The following MYT1L variants were observed in gnomAD, a reference collection of about 807,000 sequenced individuals.
The protein encoded by MYT1L is myelin transcription factor 1-like protein.
A neutral mutation model predicts 126.7 loss-of-function variants in MYT1L; 12 were observed. The observed-to-expected ratio is 0.09, with a 90% CI of 0.06 to 0.15. The LOEUF is 0.15. Among genes scored for constraint, MYT1L ranks in the 10% least tolerant of loss-of-function variants. The pLI is 1.00. For synonymous variants in MYT1L, 541 were observed against 604.2 expected (o/e 0.90, Z 1.53); for missense variants, 979 against 1,585.2 (o/e 0.62, Z 6.49).
At chr2:2,030,806 T>C (rs765681157) in intron 4 of MYT1L, among the ~76,000 whole-genome samples, 4 of 152,244 alleles carry the variant, frequency 2.6e-5, no homozygotes, top group Non-Finnish European at 4.4e-5. Context: ...GTAATCATTT[T>C]AGTTGTGCAG....
intron 3 of MYT1L, among the ~76,000 whole-genome samples, chr2:2,099,474 A>G (rs2077805947): frequency 6.6e-6 from 1 of 152,142 alleles, no homozygotes. Context: ...GAGACACAGC[A>G]CAGAGACTAA....
intron 2 of MYT1L, among the ~76,000 whole-genome samples, chr2:2,281,453 A>T (rs1334629344): frequency 2.6e-5 from 4 of 152,218 alleles, no homozygotes; most frequent in Admixed American, 6.5e-5. Flanking sequence ...TAATATGTAC[A>T]GAAGTGGGAA....
intron 4 of MYT1L, among the ~76,000 whole-genome samples, chr2:2,032,101 C>T (rs1331170595): frequency 1.3e-4 from 17 of 134,094 alleles, no homozygotes; most frequent in South Asian, 5.2e-4. Flanking sequence ...ACACACCCCT[C>T]GCCAGTGCCT....
At chr2:2,121,305 G>C (rs2080970790) in intron 3 of MYT1L, among the ~76,000 whole-genome samples, 1 of 152,056 alleles carries the variant, frequency 6.6e-6, no homozygotes, top group South Asian at 2.1e-4. Flanking sequence ...AGCCTCCCGA[G>C]TAGCTGGGAT....
chr2:2,131,023 T>C (rs967247418), intron 3 of MYT1L, among the ~76,000 whole-genome samples: 2 of 152,178 alleles, frequency 1.3e-5, no homozygotes, highest in East Asian at 3.9e-4. Context: ...CCCTAAATAG[T>C]TTTTAAAGCT....
In MYT1L at chr2:2,224,689, G is replaced by A. The variant is rs2093963530; in HGVS notation, c.-420-51701C>T. Among the ~76,000 whole-genome samples the A allele has an allele frequency of 6.6e-6, 1 of 151,834 alleles. No homozygotes were observed. On this transcript the variant is annotated intron_variant, in intron 2 of 24. Coordinates refer to ENST00000647738, the MANE Select transcript of MYT1L (RefSeq NM_001303052.2). The surrounding 1 kb of genome is among the most constrained non-coding windows in gnomAD (Gnocchi z 4.0). ...AAAAAATTAGCCAGGTGTGGTGGCGGGCACCTGTAGTCCCAGCTACTTGGG... is the reference window on the plus strand; with the variant it reads ...AAAAAATTAGCCAGGTGTGGTGGCGAGCACCTGTAGTCCCAGCTACTTGGG...
At chr2:1,813,710 C>T (rs1227870186) in intron 21 of MYT1L, among the ~76,000 whole-genome samples, 2 of 152,044 alleles carry the variant, frequency 1.3e-5, no homozygotes, top group Non-Finnish European at 2.9e-5. Flanking sequence ...CATCCAGAAA[C>T]CATCCCACCC....
intron 4 of MYT1L, among the ~76,000 whole-genome samples, chr2:2,003,399 C>A (rs1208033561): frequency 2.6e-5 from 4 of 152,194 alleles, no homozygotes; most frequent in African/African-American, 9.6e-5. Context: ...GGCCCCCAGT[C>A]CAGGTTTGCC....
chr2:1,897,365 C>T (rs1230302271), intron 14 of MYT1L, among the ~76,000 whole-genome samples: 1 of 152,328 alleles, frequency 6.6e-6, no homozygotes, highest in East Asian at 1.9e-4. Context: ...TCTGTTCCCC[C>T]TCTTCCAGCA....
At chr2:2,133,552 T>A (rs2082650300) in intron 3 of MYT1L, among the ~76,000 whole-genome samples, 1 of 152,226 alleles carries the variant, frequency 6.6e-6, no homozygotes, top group Non-Finnish European at 1.5e-5. Flanking sequence ...GCACACCTTT[T>A]CTTGGGAAGC....
chr2:2,120,415 C>A (rs921123908), intron 3 of MYT1L, among the ~76,000 whole-genome samples: 2 of 152,074 alleles, frequency 1.3e-5, no homozygotes, highest in Admixed American at 6.6e-5. Flanking sequence ...AAAAATAGTA[C>A]TTACCTCTCT....
At chr2:2,099,784 A>G (rs1033304080) in intron 3 of MYT1L, among the ~76,000 whole-genome samples, 20 of 152,246 alleles carry the variant, frequency 1.3e-4, no homozygotes, top group African/African-American at 4.3e-4. Context: ...ACAGCCACGC[A>G]TTTTAAGGTA....
chr2:2,328,660 T>C (rs2096266466), intron 1 of MYT1L, among the ~76,000 whole-genome samples: 1 of 152,228 alleles, frequency 6.6e-6, no homozygotes, highest in Admixed American at 6.5e-5. Context: ...CAGATAGTCC[T>C]GGTGCATCTT....
chr2:1,805,566 G>A (rs771471650), intron 22 of MYT1L, among the ~76,000 whole-genome samples: 1 of 152,062 alleles, frequency 6.6e-6, no homozygotes, highest in Middle Eastern at 3.5e-3. Flanking sequence ...AACACAGGGG[G>A]CAACATAGTC....
Position 1,910,460 on chromosome 2 carries a change from G to A in MYT1L, c.1710-113C>T. ...AGGTGGAGCTGGTGAGGGAGGGGTA[G>A]TTTCCCAAACCTGGCACAGGCAGTC... On this transcript the variant is annotated intron_variant, in intron 12 of 24. Coordinates refer to ENST00000647738, the MANE Select transcript of MYT1L (RefSeq NM_001303052.2). This position sits in a 1 kb window ranked among gnomAD's most constrained non-coding sequence, Gnocchi z 4.8. The A allele has an allele frequency of 1.0e-6, 1 of 959,048 alleles. No individual in the cohort carries two copies. Among genetic ancestry groups the A allele is most frequent in the South Asian group, 1.5e-5 (1 of 66,206 alleles). The allele number at this position is 959,048 out of a possible 1,614,324, so 59.4% of individuals were successfully genotyped here.
chr2:2,255,435 C>A (rs1055012169), intron 2 of MYT1L, among the ~76,000 whole-genome samples: 1 of 152,118 alleles, frequency 6.6e-6, no homozygotes, highest in African/African-American at 2.4e-5. Flanking sequence ...GTAACGGTTG[C>A]CCTCAGAGCA....
In MYT1L at chr2:1,889,403, G is replaced by A. The variant is rs1334108205; in HGVS notation, c.2358C>T (p.Cys786=). ...GCTCCAGAGGGGTCAGGATGGGGCAGCAGCTGTCCCGCGGCCTCTGCTTGT... is the reference window on the plus strand; with the variant it reads ...GCTCCAGAGGGGTCAGGATGGGGCAACAGCTGTCCCGCGGCCTCTGCTTGT... ...SMNKQRPRDS[C]CPILTPLEPM... Residue 786 remains cysteine, a synonymous_variant, in exon 16 of 25, where the codon TGC becomes TGT. Coordinates refer to ENST00000647738, the MANE Select transcript of MYT1L (RefSeq NM_001303052.2). This position sits in a 1 kb window ranked among gnomAD's most constrained non-coding sequence, Gnocchi z 4.1. 6.2e-7 allele frequency: 1 copy of A among 1,613,798 alleles called. No individual in the cohort carries two copies. Among genetic ancestry groups the A allele is most frequent in the East Asian group, 2.2e-5 (1 of 44,882 alleles).
chr2:2,234,940 C>G (rs2094250503), intron 2 of MYT1L, among the ~76,000 whole-genome samples: 1 of 152,240 alleles, frequency 6.6e-6, no homozygotes, highest in Non-Finnish European at 1.5e-5. Flanking sequence ...CTCCAGCTCC[C>G]CTTGGCCTGC....
At chr2:1,808,715 C>T (rs1487217502) in intron 22 of MYT1L, among the ~76,000 whole-genome samples, 1 of 152,110 alleles carries the variant, frequency 6.6e-6, no homozygotes, top group Non-Finnish European at 1.5e-5. Flanking sequence ...TTATCTGTGG[C>T]CTGGGGTGGC....
Sources: allele counts gnomAD v4.1 joint callset (sites outside exome capture counted in the v4.1 genomes callset), GRCh38; gene constraint gnomAD v4.1.1; non-coding constraint Gnocchi (gnomAD v3.1); transcripts MANE v1.5; gene names NCBI Gene and HGNC (gene_info 2026-07-23, HGNC 2026-07-21).